Variants in DNAH11 observed in about 807,000 individuals in gnomAD.
DNAH11 encodes the protein dynein axonemal heavy chain 11.
Under a neutral mutation model 526.0 loss-of-function variants are expected in DNAH11, and 442 were observed. The observed-to-expected ratio is 0.84, with a 90% CI of 0.78 to 0.91. The LOEUF is 0.91. Among genes scored for constraint, DNAH11 ranks in the 40% least tolerant of loss-of-function variants. The pLI is 0.00. For synonymous variants in DNAH11, 2,461 were observed against 1,935.9 expected (o/e 1.27, Z -7.12); for missense variants, 6,989 against 5,448.7 (o/e 1.28, Z -8.90).
At chr7:21,588,671 C>T (rs766613278) in intron 11 of DNAH11, 35 bp downstream of exon 11, 5 of 1,604,186 alleles carry the variant, frequency 3.1e-6, no homozygotes, top group Non-Finnish European at 4.3e-6. Context: ...GCAAGTTATT[C>T]TAATGGTACG....
At chr7:21,829,438 G>T (rs1438975824) in intron 65 of DNAH11, among the ~76,000 whole-genome samples, 1 of 152,088 alleles carries the variant, frequency 6.6e-6, no homozygotes, top group Non-Finnish European at 1.5e-5. Context: ...TCTCCAAACA[G>T]CAGGTTTTGC....
chr7:21,598,387 G>T (rs1414858852), intron 14 of DNAH11, among the ~76,000 whole-genome samples: 2 of 152,162 alleles, frequency 1.3e-5, no homozygotes, highest in African/African-American at 4.8e-5. Flanking sequence ...TCAACCTGTA[G>T]TGGTCCTTAA....
chr7:21,705,856 T>G (rs1460758950), intron 39 of DNAH11, among the ~76,000 whole-genome samples: 1 of 152,188 alleles, frequency 6.6e-6, no homozygotes, highest in Admixed American at 6.5e-5. Flanking sequence ...TCCTACCTTA[T>G]GCACCTTTCA....
rs764817397 is a variant in DNAH11 at position 21,779,083 on chromosome 7, C to T, written c.9462C>T (p.Ile3154=). ...AGAAAGTGAGCCGGGAAAAGACCATCGCTGATGCTGAGGAGCGAAAGGTCA... is the reference window on the plus strand; with the variant it reads ...AGAAAGTGAGCCGGGAAAAGACCATTGCTGATGCTGAGGAGCGAAAGGTCA... The part of the protein sequence containing the change: ...QTEKVSREKT[I]ADAEERKVTA... Residue 3154 remains isoleucine (I), a synonymous_variant, in exon 57 of 82, where the codon ATC becomes ATT. Transcript: ENST00000409508. The T allele has an allele frequency of 9.3e-6, 15 of 1,612,780 alleles. No homozygotes were observed. Among genetic ancestry groups the T allele is most frequent in the East Asian group, 2.2e-5 (1 of 44,846 alleles).
At chr7:21,682,477 G>C (rs1434857425) in intron 31 of DNAH11, among the ~76,000 whole-genome samples, 1 of 144,452 alleles carries the variant, frequency 6.9e-6, no homozygotes, top group African/African-American at 2.6e-5. Context: ...AGTGAGCCGA[G>C]ATGGCGCCAC....
At chr7:21,894,861 G>C (rs2128049017) in intron 78 of DNAH11, 23 bp from the exon 79 acceptor site, 1 of 1,613,488 alleles carries the variant, frequency 6.2e-7, no homozygotes, top group African/African-American at 1.3e-5. Context: ...TATTCACTGT[G>C]TGGCTTTTTT....
chr7:21,745,178 G>A lies in DNAH11; in HGVS notation c.8510+115G>A, dbSNP rs1375088684. 3 of 1,041,120 alleles carry A rather than the reference G, an allele frequency of 2.9e-6. No individual in the cohort carries two copies. In the African/African-American group the frequency reaches 4.9e-5, roughly 17 times the overall value. 64.5% of individuals were successfully genotyped at this position (1,041,120 alleles called of 1,614,324 possible). A position where few individuals can be genotyped will look rare whatever the true frequency, so the allele number is the denominator to read the frequency against. On this transcript the variant is annotated intron_variant, in intron 51 of 81. Transcript: ENST00000409508. ...TCTGAACCATCAGTTCTTATCTGCT[G>A]TTTGACATATAATTTTAAAATATAA...
intron 72 of DNAH11, 150 bp downstream of exon 72, chr7:21,868,157 C>G: frequency 1.4e-6 from 1 of 713,972 alleles, no homozygotes; most frequent in Admixed American, 3.8e-5. Flanking sequence ...AAATGTAAAG[C>G]TAATAACCCC....
intron 42 of DNAH11, among the ~76,000 whole-genome samples, chr7:21,715,370 T>C (rs541332566): frequency 6.6e-6 from 1 of 152,322 alleles, no homozygotes; most frequent in East Asian, 1.9e-4. Context: ...GAGCTGCTGA[T>C]AGGAGGACTC....
rs1787042547 is a variant in DNAH11 at position 21,763,818 on chromosome 7, A to ATATGTATACT, written c.8941-1607_8941-1606insGTATACTTAT. Among the ~76,000 whole-genome samples the ATATGTATACT allele has an allele frequency of 2.7e-5, 4 of 148,784 alleles. No homozygotes were observed. In the South Asian group the frequency reaches 8.6e-4, roughly 32 times the overall value. ...TACATATACATATACATATACATATATATACATATATATATATACACACAC... is the reference window on the plus strand; with the variant it reads ...TACATATACATATACATATACATATATATGTATACTTATACATATATATATATACACACAC... On this transcript the variant is annotated intron_variant, in intron 54 of 81. Transcript: ENST00000409508.
At chr7:21,786,534 T>G in intron 58 of DNAH11, 90 bp from the exon 59 acceptor site, 3 of 1,423,584 alleles carry the variant, frequency 2.1e-6, no homozygotes, top group Non-Finnish European at 2.8e-6. Context: ...GAAGTGGGAG[T>G]CCACTAAAGC....
intron 69 of DNAH11, among the ~76,000 whole-genome samples, chr7:21,863,631 G>T (rs772333645): frequency 2.0e-5 from 3 of 152,106 alleles, no homozygotes; most frequent in Non-Finnish European, 4.4e-5. Context: ...TGTATGTACT[G>T]CTCATTAATA....
intron 27 of DNAH11, among the ~76,000 whole-genome samples, chr7:21,638,363 ATTAT>A (rs1431569540): frequency 6.6e-6 from 1 of 152,182 alleles, no homozygotes; most frequent in Non-Finnish European, 1.5e-5. Flanking sequence ...GGCGAAGTTA[ATTAT>A]TTCAGTTGAG....
intron 36 of DNAH11, among the ~76,000 whole-genome samples, chr7:21,700,498 TTC>T (rs1562497004): frequency 6.6e-6 from 1 of 152,206 alleles, no homozygotes; most frequent in East Asian, 1.9e-4. Flanking sequence ...CCAAAATTTC[TTC>T]TGCATCCACT....
At chr7:21,634,047 A>G (rs1786747440) in intron 25 of DNAH11, among the ~76,000 whole-genome samples, 1 of 152,260 alleles carries the variant, frequency 6.6e-6, no homozygotes, top group Non-Finnish European at 1.5e-5. Flanking sequence ...CTCTTCAGAC[A>G]TGAAAAGAAA....
intron 25 of DNAH11, among the ~76,000 whole-genome samples, chr7:21,624,859 A>T (rs1033838432): frequency 2.6e-5 from 4 of 152,022 alleles, no homozygotes; most frequent in African/African-American, 9.7e-5. Flanking sequence ...ATTGATTTGC[A>T]TATTCTTGCA....
intron 30 of DNAH11, among the ~76,000 whole-genome samples, chr7:21,667,131 A>G (rs2128468166): frequency 6.6e-6 from 1 of 152,238 alleles, no homozygotes; most frequent in Non-Finnish European, 1.5e-5. Flanking sequence ...GGTTAGTGAT[A>G]AGGATTAAAT....
Position 21,571,824 on chromosome 7 carries a change from T to C in DNAH11, c.1444T>C (p.Leu482=), listed in dbSNP as rs575246582. 6.2e-7 allele frequency: 1 copy of C among 1,612,526 alleles called. No individual in the cohort carries two copies. The highest frequency in any genetic ancestry group is 1.7e-5 in the Admixed American group (1 of 59,860). Residue 482 remains leucine, a synonymous_variant, in exon 8 of 82, where the codon TTG becomes CTG. Coordinates refer to ENST00000409508, the MANE Select transcript of DNAH11 (RefSeq NM_001277115.2). ...TACAAAGGATATATTTGCCACCACT[T>C]TGGAATTTGAAAAGCTGGAAAGACT... ...IKIEDIFATT[L]EFEKLERLEF...
rs2128493136 is a variant in DNAH11, at chr7:21,750,307, A to G, written c.8883A>G (p.Val2961=). 1.2e-6 allele frequency: 2 copies of G among 1,606,084 alleles called. No individual in the cohort carries two copies. The highest frequency in any genetic ancestry group is 1.1e-5 in the South Asian group (1 of 89,006). Residue 2961 remains valine, a synonymous_variant, in exon 54 of 82, where the codon GTA becomes GTG. Transcript: ENST00000409508. ...ATGAAGTTCATGCTCTGGGCATGGT[A>G]GACTCCAGGGAAAACTGTTGGAAAT... is the stretch of plus-strand genomic sequence containing the variant. ...IHNEVHALGM[V]DSRENCWKFF... is the part of the protein sequence containing the mutation.
Sources: gnomAD v4.1 joint callset for allele counts (sites outside exome capture counted in the v4.1 genomes callset) on GRCh38, gnomAD v4.1.1 for gene constraint, MANE v1.5 for transcripts, NCBI Gene and HGNC (gene_info 2026-07-23, HGNC 2026-07-21) for gene names.